ABCB1: variants seen among roughly 807,000 people sequenced by gnomAD.
ABCB1 encodes ATP binding cassette subfamily B member 1, also known as ATP-dependent translocase ABCB1.
ABCB1 carries 69 observed loss-of-function variants against 142.0 expected under a neutral mutation model. The ratio of observed to expected loss-of-function variants is 0.49; its 90% CI spans 0.40 to 0.59. ABCB1 has a LOEUF of 0.59. Ranked by LOEUF, ABCB1 falls within the 20% of genes least tolerant of loss-of-function variation. ABCB1 has a pLI of 0.00. For synonymous variants in ABCB1, 532 were observed against 539.2 expected (o/e 0.99, Z 0.18); for missense variants, 1,326 against 1,554.7 (o/e 0.85, Z 2.47).
At chr7:87,674,635 G>A (rs747350499) in intron 1 of ABCB1, among the ~76,000 whole-genome samples, 2 of 152,066 alleles carry the variant, frequency 1.3e-5, no homozygotes, top group Non-Finnish European at 2.9e-5. Flanking sequence ...GGGTGGGCTA[G>A]CATGTATTGG....
chr7:87,614,296 C>A (rs1819957203), intron 1 of ABCB1, among the ~76,000 whole-genome samples: 2 of 152,014 alleles, frequency 1.3e-5, no homozygotes, highest in South Asian at 4.2e-4. Context: ...ACTAGGGATG[C>A]TGAGGCAGGA....
chr7:87,519,580 G>T, intron 22 of ABCB1, 114 bp from the exon 23 acceptor site: 2 of 1,268,812 alleles, frequency 1.6e-6, no homozygotes, highest in Non-Finnish European at 2.3e-6. Flanking sequence ...AATGGGTTTC[G>T]TTTCCAAAGA....
chr7:87,591,753 G>T (rs1009066554), intron 3 of ABCB1, among the ~76,000 whole-genome samples: 3 of 152,108 alleles, frequency 2.0e-5, no homozygotes, highest in African/African-American at 7.2e-5. Flanking sequence ...ATAGAAGATA[G>T]TATAATTATG....
At chr7:87,712,464 A>C (rs887481219) in intron 1 of ABCB1, among the ~76,000 whole-genome samples, 6 of 152,096 alleles carry the variant, frequency 3.9e-5, no homozygotes, top group East Asian at 1.9e-4. Flanking sequence ...AATCAAAATC[A>C]AGTTTGCATA....
intron 1 of ABCB1, chr7:87,709,136 T>C (rs1829852744): frequency 2.6e-6 from 1 of 382,242 alleles, no homozygotes; most frequent in Non-Finnish European, 3.6e-6. Flanking sequence ...CAGGATTCCA[T>C]ACACATTCAA....
intron 1 of ABCB1, among the ~76,000 whole-genome samples, chr7:87,634,794 CTTTGAG>C (rs1043009397): frequency 1.3e-5 from 2 of 152,152 alleles, no homozygotes; most frequent in East Asian, 1.9e-4. Context: ...TGTAGTAGAA[CTTTGAG>C]TTTGAGTTTG....
At position 87,550,213 on chromosome 7, in the gene ABCB1, T is replaced by C. The variant is rs35068177; in HGVS notation, c.1308A>G (p.Thr436=). The C allele has an allele frequency of 2.4e-4, 395 of 1,614,090 alleles. 2 individuals are homozygous for C. Among genetic ancestry groups the C allele is most frequent in the Middle Eastern group, 2.3e-3 (14 of 6,084 alleles). Residue 436 remains threonine (T), a synonymous_variant, in exon 12 of 28, where the codon ACA becomes ACG. Transcript: ENST00000622132. ...CATAGAGCCTCTGCATCAGCTGGACTGTTGTGCTCTTCCCACAGCCACTGT... is the reference window on the plus strand; with the variant it reads ...CATAGAGCCTCTGCATCAGCTGGACCGTTGTGCTCTTCCCACAGCCACTGT... ...VGNSGCGKST[T]VQLMQRLYDP...
chr7:87,522,789 TG>T lies in ABCB1; in HGVS notation c.2686-1914del, dbSNP rs1280547280. Among the ~76,000 whole-genome samples the T allele has an allele frequency of 9.8e-5, 15 of 152,318 alleles. No individual in the cohort carries two copies. In the South Asian group the frequency reaches 2.5e-3, roughly 25 times the overall value. On this transcript the variant is annotated intron_variant, in intron 21 of 27. Coordinates refer to ENST00000622132, the MANE Select transcript of ABCB1 (RefSeq NM_001348946.2). Reference sequence around the variant, plus strand: ...AAGTATATTTTACACATTTCCATATTGTTTTTTTCCTAAGTGCATAAATATA... The same window carrying T: ...AAGTATATTTTACACATTTCCATATTTTTTTTTCCTAAGTGCATAAATATA...
chr7:87,597,793 A>G (rs1186864172), intron 2 of ABCB1, among the ~76,000 whole-genome samples: 1 of 152,154 alleles, frequency 6.6e-6, no homozygotes, highest in Non-Finnish European at 1.5e-5. Context: ...AAAAGTGATT[A>G]CAATTCTGAT....
At chr7:87,634,436 A>T (rs1335759819) in intron 1 of ABCB1, among the ~76,000 whole-genome samples, 1 of 144,262 alleles carries the variant, frequency 6.9e-6, no homozygotes, top group Non-Finnish European at 1.5e-5. Context: ...AGCCTGGCCA[A>T]CATGGTGAAA....
chr7:87,550,390 T>C, intron 11 of ABCB1, 78 bp downstream of exon 11: 1 of 1,605,360 alleles, frequency 6.2e-7, no homozygotes. Context: ...ACATGCACTT[T>C]TTTATAATCT....
chr7:87,667,229 G>A (rs925830956), intron 1 of ABCB1, among the ~76,000 whole-genome samples: 3 of 151,878 alleles, frequency 2.0e-5, no homozygotes, highest in African/African-American at 7.2e-5. Flanking sequence ...TTGCTATGAA[G>A]TTTATTCTTT....
intron 21 of ABCB1, chr7:87,521,843 A>C: frequency 1.3e-6 from 1 of 772,660 alleles, no homozygotes; most frequent in Non-Finnish European, 2.3e-6. Context: ...TTTGAATAGT[A>C]TGGAAAAATT....
At chr7:87,706,127 T>A (rs1829562697) in intron 1 of ABCB1, among the ~76,000 whole-genome samples, 1 of 152,222 alleles carries the variant, frequency 6.6e-6, no homozygotes, top group Non-Finnish European at 1.5e-5. Context: ...AGTTTCAGAA[T>A]ATGCTAGTTA....
intron 11 of ABCB1, 40 bp from the exon 12 acceptor site, chr7:87,550,336 C>T (rs750051211): frequency 1.2e-5 from 20 of 1,613,810 alleles, no homozygotes; most frequent in Non-Finnish European, 1.6e-5. Flanking sequence ...AGGCAATTCA[C>T]AGACACAGGA....
In ABCB1 at chr7:87,545,950, A is replaced by C; in HGVS notation, c.1800T>G (p.Gly600=). Residue 600 remains glycine, a synonymous_variant, in exon 15 of 28, where the codon GGT becomes GGG. Coordinates refer to ENST00000622132, the MANE Select transcript of ABCB1 (RefSeq NM_001348946.2). ...STVRNADVIA[G]FDDGVIVEKG... is the part of the protein sequence containing the mutation. ...TCTCCACAATGACTCCATCATCGAA[A>C]CCAGCGATGACGTCAGCATTACGAA... The C allele has an allele frequency of 6.2e-7, 1 of 1,614,130 alleles. No individual in the cohort carries two copies. The highest frequency in any genetic ancestry group is 8.5e-7 in the Non-Finnish European group (1 of 1,179,978).
intron 21 of ABCB1, chr7:87,521,232 A>G (rs532642379): frequency 8.8e-4 from 310 of 353,290 alleles, no homozygotes; most frequent in Non-Finnish European, 1.4e-3. Flanking sequence ...TTAAGTTCAC[A>G]GTTATTTTAC....
At chr7:87,568,251 T>TA (rs1407083530) in intron 5 of ABCB1, among the ~76,000 whole-genome samples, 1 of 131,804 alleles carries the variant, frequency 7.6e-6, no homozygotes, top group African/African-American at 3.1e-5. Context: ...ACAATAATAA[T>TA]AATAATAATA....
At chr7:87,640,530 A>T (rs1391933289) in intron 1 of ABCB1, among the ~76,000 whole-genome samples, 1 of 151,774 alleles carries the variant, frequency 6.6e-6, no homozygotes, top group Non-Finnish European at 1.5e-5. Flanking sequence ...TAATTTGTAG[A>T]TATAGGATCT....
Sources: gnomAD v4.1 joint callset for allele counts (sites outside exome capture counted in the v4.1 genomes callset) on GRCh38, gnomAD v4.1.1 for gene constraint, MANE v1.5 for transcripts, NCBI Gene and HGNC (gene_info 2026-07-23, HGNC 2026-07-21) for gene names.